The following PKN2 variants were observed in gnomAD, a reference collection of about 807,000 sequenced individuals.
PKN2 encodes serine/threonine-protein kinase N2.
In PKN2, 38 loss-of-function variants were observed where a neutral mutation model predicts 119.1. The observed-to-expected ratio is 0.32, with a 90% CI of 0.25 to 0.42. The LOEUF (loss-of-function observed/expected upper bound fraction) is 0.42, where lower values mean the gene tolerates loss of function less well. Among genes scored for constraint, PKN2 ranks in the 10% least tolerant of loss-of-function variants. The pLI is 1.00. For synonymous variants in PKN2, 390 were observed against 384.9 expected, an observed-to-expected ratio of 1.01 and a Z score of -0.15; for missense variants, 850 against 1,165.1, an observed-to-expected ratio of 0.73 and a Z score of 3.94.
intron 3 of PKN2, among the ~76,000 whole-genome samples, chr1:88,767,481 G>T (rs1054051045): frequency 2.0e-5 from 3 of 152,114 alleles, no homozygotes; most frequent in Admixed American, 6.5e-5. Flanking sequence ...ATCATTGTGC[G>T]GGTATCATAG....
At chr1:88,757,587 G>C (rs1669256241) in intron 2 of PKN2, among the ~76,000 whole-genome samples, 1 of 152,098 alleles carries the variant, frequency 6.6e-6, no homozygotes, top group African/African-American at 2.4e-5. Flanking sequence ...CAAAGGTAAA[G>C]TAACTTGCAG....
intron 1 of PKN2, among the ~76,000 whole-genome samples, chr1:88,723,354 C>G (rs923449857): frequency 6.6e-6 from 1 of 152,054 alleles, no homozygotes; most frequent in Non-Finnish European, 1.5e-5. Flanking sequence ...CTCAGGTGAT[C>G]CACCCACCTC....
chr1:88,779,792 G>A (rs1486584515), intron 6 of PKN2, among the ~76,000 whole-genome samples: 1 of 152,152 alleles, frequency 6.6e-6, no homozygotes, highest in Admixed American at 6.5e-5. Context: ...AAACATGAAG[G>A]ACAAATTTAC....
At chr1:88,704,778 CAAAAAAAAAA>C (rs35670791) in intron 1 of PKN2, among the ~76,000 whole-genome samples, 1 of 75,950 alleles carries the variant, frequency 1.3e-5, no homozygotes, top group East Asian at 3.6e-4. Flanking sequence ...GACCCTGTCT[CAAAAAAAAAA>C]AAAAAAAAAA....
At chr1:88,745,810 A>G (rs1003065505) in intron 2 of PKN2, among the ~76,000 whole-genome samples, 4 of 152,194 alleles carry the variant, frequency 2.6e-5, no homozygotes, top group African/African-American at 9.6e-5. Flanking sequence ...TAGAAGCATC[A>G]CACTACCAAA....
intron 3 of PKN2, among the ~76,000 whole-genome samples, chr1:88,766,331 C>G (rs1442755076): frequency 1.3e-5 from 2 of 152,044 alleles, no homozygotes; most frequent in South Asian, 4.1e-4. Flanking sequence ...AATGACTGGC[C>G]TATTTATTAC....
chr1:88,829,796 G>C lies in PKN2; in HGVS notation c.2562+1173G>C, dbSNP rs561288635. On this transcript the variant is annotated intron_variant, in intron 19 of 21. Coordinates refer to ENST00000370521, the MANE Select transcript of PKN2 (RefSeq NM_006256.4). ...AGCAACCTCCCTTGTACACTTGTAAGTTTGAAGAAGTTAGTGCTGAATGAA... is the reference window on the plus strand; with the variant it reads ...AGCAACCTCCCTTGTACACTTGTAACTTTGAAGAAGTTAGTGCTGAATGAA... Among the ~76,000 whole-genome samples, 14 of 152,314 alleles carry C rather than the reference G, an allele frequency of 9.2e-5. 2 individuals carry two copies. The South Asian group carries it at 2.9e-3, about 32-fold the overall frequency.
At chr1:88,730,131 C>G (rs569168789) in intron 1 of PKN2, among the ~76,000 whole-genome samples, 4 of 151,868 alleles carry the variant, frequency 2.6e-5, no homozygotes, top group South Asian at 4.2e-4. Flanking sequence ...TGCCACTGCA[C>G]TCCAGCCTGG....
chr1:88,805,859 C>T, intron 11 of PKN2, 32 bp from the exon 12 acceptor site: 1 of 1,611,684 alleles, frequency 6.2e-7, no homozygotes, highest in Non-Finnish European at 8.5e-7. Context: ...CTTTCTATTA[C>T]TGTTTTGGTG....
At chr1:88,751,883 G>A (rs868577795) in intron 2 of PKN2, among the ~76,000 whole-genome samples, 21 of 152,164 alleles carry the variant, frequency 1.4e-4, no homozygotes, top group Middle Eastern at 3.4e-3. Context: ...CTGTTATTTC[G>A]TGGTTGTCTG....
At chr1:88,724,880 TG>T (rs1227018284) in intron 1 of PKN2, among the ~76,000 whole-genome samples, 2 of 133,436 alleles carry the variant, frequency 1.5e-5, no homozygotes, top group Non-Finnish European at 3.2e-5. Context: ...CCCCACCCCT[TG>T]GTTTTTTTTT....
intron 1 of PKN2, among the ~76,000 whole-genome samples, chr1:88,723,687 T>C (rs917496594): frequency 3.3e-5 from 5 of 152,212 alleles, no homozygotes; most frequent in African/African-American, 1.2e-4. Flanking sequence ...CCTCCCAAAG[T>C]GTAAATCCAG....
At position 88,760,402 on chromosome 1, in the gene PKN2, A is replaced by G. The variant is rs774727164; in HGVS notation, c.504+26A>G. 5 of 1,279,806 alleles carry G rather than the reference A, an allele frequency of 3.9e-6. No individual in the cohort carries two copies. In the South Asian group the frequency reaches 5.4e-5, roughly 14 times the overall value. 79.3% of individuals were successfully genotyped at this position (1,279,806 alleles called of 1,614,324 possible). A position where few individuals can be genotyped will look rare whatever the true frequency, so the allele number is the denominator to read the frequency against. On this transcript the variant is annotated intron_variant, in intron 3 of 21. Coordinates refer to ENST00000370521, the MANE Select transcript of PKN2 (RefSeq NM_006256.4). The stretch of plus-strand genomic sequence containing the variant: ...GTAAGTGTAGTTAATAAATGTAACT[A>G]TATAGTCAGTCATTATTTGCAGATT...
chr1:88,684,616 C>G lies in PKN2; in HGVS notation c.36C>G (p.Leu12=). 1 of 1,564,196 alleles carries G rather than the reference C, an allele frequency of 6.4e-7. No homozygotes were observed. The highest frequency in any genetic ancestry group is 2.5e-5 in the East Asian group (1 of 40,442). Residue 12 remains leucine, a synonymous_variant, in exon 1 of 22, where the codon CTC becomes CTG. Transcript: ENST00000370521. ...ASNPERGEIL[L]TELQGDSRSL... ...ACCCCGAACGGGGGGAGATTCTGCT[C>G]ACGGAACTGCAGGTAAGGGCCGCGG...
At chr1:88,733,288 A>G (rs908121637) in intron 1 of PKN2, among the ~76,000 whole-genome samples, 2 of 152,122 alleles carry the variant, frequency 1.3e-5, no homozygotes, top group African/African-American at 4.8e-5. Flanking sequence ...CATAATGGCT[A>G]TACATTCCCA....
intron 15 of PKN2, among the ~76,000 whole-genome samples, chr1:88,808,480 A>G (rs552748147): frequency 1.1e-4 from 17 of 151,438 alleles, no homozygotes; most frequent in African/African-American, 4.1e-4. Flanking sequence ...TTTTTTTTGT[A>G]TTTTTAGTAG....
At chr1:88,777,801 G>A (rs975817542) in intron 6 of PKN2, among the ~76,000 whole-genome samples, 10 of 152,106 alleles carry the variant, frequency 6.6e-5, no homozygotes, top group South Asian at 6.2e-4. Flanking sequence ...TTGGAATTCA[G>A]GTACTGCAGA....
rs139855609 is a variant in PKN2 at position 88,758,019 on chromosome 1, C to T, written c.350-2203C>T. On this transcript the variant is annotated intron_variant, in intron 2 of 21. Coordinates refer to ENST00000370521, the MANE Select transcript of PKN2 (RefSeq NM_006256.4). Reference sequence around the variant, plus strand: ...TCACACCACTGCACTACAACCTGGGCGACAGAGTGAGACTATCTCAAAAAA... The same window carrying T: ...TCACACCACTGCACTACAACCTGGGTGACAGAGTGAGACTATCTCAAAAAA... Among the ~76,000 whole-genome samples the T allele has an allele frequency of 5.2e-3, 571 of 110,778 alleles. 2 individuals carry two copies. Among genetic ancestry groups the T allele is most frequent in the African/African-American group, 0.02 (538 of 27,314 alleles). 72.7% of individuals were successfully genotyped at this position (110,778 alleles called of 152,430 possible). A position where few individuals can be genotyped will look rare whatever the true frequency, so the allele number is the denominator to read the frequency against.
chr1:88,828,839 T>G (rs1348882092), intron 19 of PKN2, among the ~76,000 whole-genome samples: 1 of 151,996 alleles, frequency 6.6e-6, no homozygotes, highest in Non-Finnish European at 1.5e-5. Flanking sequence ...TTGAAAATAG[T>G]TCCTTGTATT....
Sources: gnomAD v4.1 joint callset for allele counts (sites outside exome capture counted in the v4.1 genomes callset) on GRCh38, gnomAD v4.1.1 for gene constraint, MANE v1.5 for transcripts, NCBI Gene and HGNC (gene_info 2026-07-23, HGNC 2026-07-21) for gene names.